Variants in ZNF707 observed in about 807,000 individuals in gnomAD.
ZNF707 encodes zinc finger protein 707.
Under a neutral mutation model 13.3 loss-of-function variants are expected in ZNF707, and 8 were observed. That is an observed-to-expected ratio of 0.60 (90% CI 0.35 to 1.09). ZNF707 has a LOEUF of 1.09. Among genes scored for constraint, ZNF707 ranks in the 50% least tolerant of loss-of-function variants. The pLI is 0.02. For missense variants in ZNF707, 530 were observed against 512.6 expected, an observed-to-expected ratio of 1.03 and a Z score of -0.33; for synonymous variants, 225 against 205.6, an observed-to-expected ratio of 1.09 and a Z score of -0.81.
rs1817177646 is a variant in ZNF707 at position 143,694,645 on chromosome 8, T to C, written c.*115T>C. 1.6e-6 allele frequency: 2 copies of C among 1,228,488 alleles called. No individual in the cohort carries two copies. The highest frequency in any genetic ancestry group is 1.1e-6 in the Non-Finnish European group (1 of 911,156). The allele number at this position is 1,228,488 out of a possible 1,614,324, so 76.1% of individuals were successfully genotyped here. On this transcript the variant is annotated 3_prime_UTR_variant, in exon 6 of 6. Transcript: ENST00000358656. The surrounding 1 kb of genome is among the most constrained non-coding windows in gnomAD (Gnocchi z 4.4). The stretch of plus-strand genomic sequence containing the variant: ...AATCAACCTGAATTCAGAGAAGCCT[T>C]CTTAGTCCTCAGAGCTCCCCAGTCC...
chr8:143,686,637 A>G (rs1401904756), intron 1 of ZNF707, among the ~76,000 whole-genome samples: 2 of 152,004 alleles, frequency 1.3e-5, no homozygotes, highest in Non-Finnish European at 2.9e-5. Context: ...ATTTTCTCTT[A>G]GTCTGTGGCT....
At chr8:143,690,407 T>C (rs1326683164) in intron 3 of ZNF707, 9 of 428,074 alleles carry the variant, frequency 2.1e-5, no homozygotes, top group Non-Finnish European at 3.7e-5. Context: ...CCATCTCTAC[T>C]AAAAATACAA....
chr8:143,693,603 G>A lies in ZNF707; in HGVS notation c.257-68G>A. On this transcript the variant is annotated intron_variant, in intron 5 of 5. Coordinates refer to ENST00000358656, the MANE Select transcript of ZNF707 (RefSeq NM_001100598.2). This position sits in a 1 kb window ranked among gnomAD's most constrained non-coding sequence, Gnocchi z 4.1. ...AGCCACCGCGCCCGGCCTCCTCTGG[G>A]CTTTGCTGGAGGCACTGCCTGGCTG... is the stretch of plus-strand genomic sequence containing the variant. 6.8e-7 allele frequency: 1 copy of A among 1,468,208 alleles called. No homozygotes were observed. Among genetic ancestry groups the A allele is most frequent in the South Asian group, 1.5e-5 (1 of 68,930 alleles). 90.9% of individuals were successfully genotyped at this position (1,468,208 alleles called of 1,614,324 possible).
intron 4 of ZNF707, 58 bp from the exon 5 acceptor site, chr8:143,691,542 C>G: frequency 6.6e-7 from 1 of 1,514,926 alleles, no homozygotes; most frequent in African/African-American, 1.4e-5. Flanking sequence ...CTCTGAGCCT[C>G]GACCCTCACT....
intron 2 of ZNF707, 125 bp from the exon 3 acceptor site, chr8:143,689,932 C>T: frequency 1.4e-6 from 1 of 736,584 alleles, no homozygotes; most frequent in South Asian, 1.7e-5. Flanking sequence ...CAGAGCAGAC[C>T]CTGTGTGTGC....
intron 3 of ZNF707, 181 bp downstream of exon 3, chr8:143,690,304 C>A: frequency 1.4e-6 from 1 of 695,336 alleles, no homozygotes; most frequent in South Asian, 1.9e-5. Flanking sequence ...AGGCGCAATG[C>A]CTCACGCCTG....
chr8:143,691,623 C>A lies in ZNF707; in HGVS notation c.166C>A (p.Leu56Ile). Residue 56 changes from leucine (L) to isoleucine (I), a missense_variant, in exon 5 of 6, where the codon CTC becomes ATC. Leu to Ile is a conservative substitution (Grantham distance 5). Coordinates refer to ENST00000358656, the MANE Select transcript of ZNF707 (RefSeq NM_001100598.2). ...AGGATTTTGCAGCCCCAGACCAGAC[C>A]TCGTCTCTCGCCTGGAACAGTGGGA... ...ALGFCSPRPD[L>I]VSRLEQWEEP... 6.2e-7 allele frequency: 1 copy of A among 1,608,942 alleles called. No individual in the cohort carries two copies. The highest frequency in any genetic ancestry group is 8.5e-7 in the Non-Finnish European group (1 of 1,178,066).
In ZNF707 at chr8:143,693,992, C is replaced by G; in HGVS notation, c.578C>G (p.Ala193Gly). ...KALSCHSRLL[A>G]HQTVHTGTKA... ...CTCAGCTGCCACAGCCGGCTGCTCG[C>G]TCACCAGACGGTGCACACGGGAACC... is the stretch of plus-strand genomic sequence containing the variant. Residue 193 changes from alanine (A) to glycine (G), a missense_variant, in exon 6 of 6, where the codon GCT becomes GGT. Coordinates refer to ENST00000358656, the MANE Select transcript of ZNF707 (RefSeq NM_001100598.2). This position sits in a 1 kb window ranked among gnomAD's most constrained non-coding sequence, Gnocchi z 4.1. 6.2e-7 allele frequency: 1 copy of G among 1,603,740 alleles called. No homozygotes were observed.
intron 2 of ZNF707, 29 bp from the exon 3 acceptor site, chr8:143,690,028 A>C: frequency 1.9e-6 from 3 of 1,592,290 alleles, no homozygotes; most frequent in East Asian, 4.5e-5. Flanking sequence ...CAGGCCGGCT[A>C]TACCCGCTTA....
chr8:143,694,291 T>G lies in ZNF707; in HGVS notation c.877T>G (p.Cys293Gly), dbSNP rs1554614695. The stretch of plus-strand genomic sequence containing the variant: ...GGAGCGGCCGTTCTACTGCGCGGAC[T>G]GCGGCAAAGCCTTCCGGACCAAGGA... The part of the protein sequence containing the change: ...TGERPFYCAD[C>G]GKAFRTKENL... Residue 293 changes from cysteine to glycine, a missense_variant, in exon 6 of 6, where the codon TGC (cysteine) becomes GGC (glycine). Cys to Gly is a radical substitution (Grantham distance 159, BLOSUM62 -3). Coordinates refer to ENST00000358656, the MANE Select transcript of ZNF707 (RefSeq NM_001100598.2). This position sits in a 1 kb window ranked among gnomAD's most constrained non-coding sequence, Gnocchi z 4.4. 1 of 1,599,200 alleles carries G rather than the reference T, an allele frequency of 6.3e-7. No homozygotes were observed. The highest frequency in any genetic ancestry group is 1.7e-5 in the Admixed American group (1 of 58,802).
intron 2 of ZNF707, 75 bp from the exon 3 acceptor site, chr8:143,689,982 G>A (rs1398413010): frequency 4.2e-5 from 10 of 237,244 alleles, no homozygotes; most frequent in Non-Finnish European, 1.1e-4. Context: ...TTTGCTGAGT[G>A]GGGGGGCTCC....
Position 143,694,905 on chromosome 8 carries a change from C to T in ZNF707, c.*375C>T, listed in dbSNP as rs1488311733. ...GGGACTCCACCCTGGCCCCGAGTCG[C>T]CGTCTGCTGGGCCTTTCCTTCCTGG... On this transcript the variant is annotated 3_prime_UTR_variant, in exon 6 of 6. Transcript: ENST00000358656. The surrounding 1 kb of genome is among the most constrained non-coding windows in gnomAD (Gnocchi z 4.4). 9.2e-6 allele frequency: 2 copies of T among 217,740 alleles called. No homozygotes were observed. The highest frequency in any genetic ancestry group is 9.0e-6 in the Non-Finnish European group (1 of 110,862). 13.5% of individuals were successfully genotyped at this position (217,740 alleles called of 1,614,324 possible).
Position 143,694,307 on chromosome 8 carries a change from G to A in ZNF707, c.893G>A (p.Arg298Gln), listed in dbSNP as rs1587406195. The A allele has an allele frequency of 1.9e-6, 3 of 1,601,228 alleles. No individual in the cohort carries two copies. The highest frequency in any genetic ancestry group is 2.6e-6 in the Non-Finnish European group (3 of 1,172,142). Residue 298 changes from arginine (R) to glutamine (Q), a missense_variant, in exon 6 of 6, where the codon CGG (arginine) becomes CAG (glutamine). Physicochemically the swap from Arg to Gln is conservative, Grantham distance 43. Coordinates refer to ENST00000358656, the MANE Select transcript of ZNF707 (RefSeq NM_001100598.2). This position sits in a 1 kb window ranked among gnomAD's most constrained non-coding sequence, Gnocchi z 4.4. ...TGCGCGGACTGCGGCAAAGCCTTCC[G>A]GACCAAGGAGAACCTCAGCCACCAC... The part of the protein sequence containing the change: ...FYCADCGKAF[R>Q]TKENLSHHQR...
Position 143,691,645 on chromosome 8 carries a change from G to A in ZNF707, c.188G>A (p.Trp63Ter), listed in dbSNP as rs1554613660. 5.6e-6 allele frequency: 9 copies of A among 1,609,826 alleles called. No homozygotes were observed. Among genetic ancestry groups the A allele is most frequent in the Non-Finnish European group, 7.6e-6 (9 of 1,178,456 alleles). Residue 63 changes from tryptophan to a stop codon, truncating the protein, a stop_gained, in exon 5 of 6, where the codon TGG becomes TAG. Coordinates refer to ENST00000358656, the MANE Select transcript of ZNF707 (RefSeq NM_001100598.2). LOFTEE classifies it high-confidence loss of function. ...GACCTCGTCTCTCGCCTGGAACAGT[G>A]GGAGGAGCCGTGGGTTGAAGACCGG... ...RPDLVSRLEQ[W>*]EEPWVEDRER... is the part of the protein sequence containing the mutation.
In ZNF707 at chr8:143,693,477, A is replaced by G. The variant is rs1554614183; in HGVS notation, c.257-194A>G. ...TAATTTTTTGTATTTTTTTTTTTTTAGTAGAGACGGGGTTTCACCTTGTTA... is the reference window on the plus strand; with the variant it reads ...TAATTTTTTGTATTTTTTTTTTTTTGGTAGAGACGGGGTTTCACCTTGTTA... On this transcript the variant is annotated intron_variant, in intron 5 of 5. Coordinates refer to ENST00000358656, the MANE Select transcript of ZNF707 (RefSeq NM_001100598.2). This position sits in a 1 kb window ranked among gnomAD's most constrained non-coding sequence, Gnocchi z 4.1. 1.4e-5 allele frequency among the ~76,000 whole-genome samples: 2 copies of G among 138,434 alleles called. No individual in the cohort carries two copies. The highest frequency in any genetic ancestry group is 5.5e-5 in the African/African-American group (2 of 36,426). 90.8% of individuals were successfully genotyped at this position (138,434 alleles called of 152,430 possible). A position where few individuals can be genotyped will look rare whatever the true frequency, so the allele number is the denominator to read the frequency against.
In ZNF707 at chr8:143,689,218, T is replaced by G. The variant is rs1308300496; in HGVS notation, c.-136T>G. The G allele has an allele frequency of 6.6e-6, 1 of 152,312 alleles. No homozygotes were observed. Among genetic ancestry groups the G allele is most frequent in the Admixed American group, 6.5e-5 (1 of 15,286 alleles). 9.4% of individuals were successfully genotyped at this position (152,312 alleles called of 1,614,324 possible). ...TTTCATCTCAGTTGCTGAACCTGTTTGCATGAGTTGCTCCTGACGGCCCTT... is the reference window on the plus strand; with the variant it reads ...TTTCATCTCAGTTGCTGAACCTGTTGGCATGAGTTGCTCCTGACGGCCCTT... On this transcript the variant is annotated 5_prime_UTR_variant, in exon 2 of 6. Transcript: ENST00000358656.
At chr8:143,687,837 T>G (rs558725049) in intron 1 of ZNF707, among the ~76,000 whole-genome samples, 1 of 152,212 alleles carries the variant, frequency 6.6e-6, no homozygotes, top group Non-Finnish European at 1.5e-5. Context: ...TCTCTTCTGT[T>G]CCTTGTTTGC....
In ZNF707 at chr8:143,693,168, T is replaced by C. The variant is rs1816988860; in HGVS notation, c.257-503T>C. 6.6e-6 allele frequency among the ~76,000 whole-genome samples: 1 copy of C among 152,202 alleles called. No homozygotes were observed. On this transcript the variant is annotated intron_variant, in intron 5 of 5. Transcript: ENST00000358656. The surrounding 1 kb of genome is among the most constrained non-coding windows in gnomAD (Gnocchi z 4.1). ...AGCTCATCTTGGCTTCCGCTGTTGA[T>C]ACCTGTGGCTCATCTGTGTTTCTTT...
intron 4 of ZNF707, 63 bp downstream of exon 4, chr8:143,691,262 T>C: frequency 6.5e-7 from 1 of 1,548,730 alleles, no homozygotes; most frequent in Non-Finnish European, 8.7e-7. Flanking sequence ...TGCCGCTGCC[T>C]CTGGGCCCAG....
Sources: gnomAD v4.1 joint callset for allele counts (sites outside exome capture counted in the v4.1 genomes callset) on GRCh38, gnomAD v4.1.1 for gene constraint, Gnocchi (gnomAD v3.1) non-coding constraint, MANE v1.5 for transcripts, NCBI Gene and HGNC (gene_info 2026-07-23, HGNC 2026-07-21) for gene names.